The following AGBL1 variants were observed in gnomAD, a reference collection of about 807,000 sequenced individuals.
AGBL1 encodes cytosolic carboxypeptidase 4.
AGBL1 carries 130 observed loss-of-function variants against 118.9 expected under a neutral mutation model. The observed-to-expected ratio is 1.09, with a 90% CI of 0.95 to 1.26. The LOEUF (loss-of-function observed/expected upper bound fraction) is 1.26. Ranked by LOEUF, AGBL1 falls within the 50% of genes most tolerant of loss-of-function variation. AGBL1 has a pLI of 0.00. For synonymous variants in AGBL1, 555 were observed against 478.9 expected (o/e 1.16, Z -2.08); for missense variants, 1,584 against 1,298.1 (o/e 1.22, Z -3.38).
chr15:86,590,938 A>C (rs770202447), intron 21 of AGBL1, among the ~76,000 whole-genome samples: 1 of 152,224 alleles, frequency 6.6e-6, no homozygotes, highest in Non-Finnish European at 1.5e-5. Context: ...TTGATACAGT[A>C]TGATTGTCTA....
At chr15:86,123,583 C>T (rs1285728816) in intron 1 of AGBL1, among the ~76,000 whole-genome samples, 2 of 152,140 alleles carry the variant, frequency 1.3e-5, no homozygotes, top group Non-Finnish European at 2.9e-5. Context: ...TCTATTGATC[C>T]CGGGCTTTTA....
Position 86,735,074 on chromosome 15 carries a change from AT to A in AGBL1, c.3158+60639del, listed in dbSNP as rs1297176333. ...AGATGTTGTTTCTTGGCATATAGTT[AT>A]AATAATAATTATTATTATTATTTAA... On this transcript the variant is annotated intron_variant, in intron 22 of 22. Coordinates refer to ENST00000614907, the MANE Select transcript of AGBL1 (RefSeq NM_001386094.1). 7.8e-3 allele frequency among the ~76,000 whole-genome samples: 1,098 copies of A among 140,004 alleles called. 5 individuals carry two copies. Among genetic ancestry groups the A allele is most frequent in the African/African-American group, 0.023 (934 of 39,798 alleles). The allele number at this position is 140,004 out of a possible 152,430, so 91.8% of individuals were successfully genotyped here.
intron 20 of AGBL1, among the ~76,000 whole-genome samples, chr15:86,547,974 C>T (rs1340257625): frequency 6.6e-6 from 1 of 152,096 alleles, no homozygotes; most frequent in Non-Finnish European, 1.5e-5. Flanking sequence ...ATATAACTCC[C>T]TCTATCACTG....
In AGBL1 at chr15:86,338,728, CT is replaced by C. The variant is rs1345541562; in HGVS notation, c.2374+43321del. 2.6e-5 allele frequency among the ~76,000 whole-genome samples: 4 copies of C among 152,234 alleles called. No homozygotes were observed. The South Asian group carries it at 6.2e-4, about 24-fold the overall frequency. On this transcript the variant is annotated intron_variant, in intron 17 of 22. Coordinates refer to ENST00000614907, the MANE Select transcript of AGBL1 (RefSeq NM_001386094.1). The stretch of plus-strand genomic sequence containing the variant: ...TCCCAGGATAAATGGTTTGAATGGG[CT>C]GCCCAAACTGGAACCAGGAAAACCG...
chr15:86,168,239 A>T (rs117862745), intron 5 of AGBL1, among the ~76,000 whole-genome samples: 2,475 of 152,254 alleles, frequency 0.016, 30 homozygotes, highest in East Asian at 0.071. Flanking sequence ...GGGGATATTT[A>T]AGAGGGAGGG....
At chr15:86,825,310 C>T (rs2078991334) in intron 22 of AGBL1, among the ~76,000 whole-genome samples, 1 of 132,780 alleles carries the variant, frequency 7.5e-6, no homozygotes, top group African/African-American at 2.9e-5. Context: ...AATTGATAAA[C>T]TGGGTTTCAT....
rs2077266711 is a variant in AGBL1 at position 86,161,499 on chromosome 15, A to T, written c.488+2473A>T. Among the ~76,000 whole-genome samples the T allele has an allele frequency of 2.0e-5, 3 of 152,226 alleles. No individual in the cohort carries two copies. The South Asian group carries it at 6.2e-4, about 31-fold the overall frequency. ...AAACCCTGTCTGATACATGAGCCTC[A>T]GCTCTTAAGCCACCACTGGCGTATC... On this transcript the variant is annotated intron_variant, in intron 5 of 22. Coordinates refer to ENST00000614907, the MANE Select transcript of AGBL1 (RefSeq NM_001386094.1).
intron 19 of AGBL1, among the ~76,000 whole-genome samples, chr15:86,537,915 C>A (rs2083447375): frequency 6.6e-6 from 1 of 152,184 alleles, no homozygotes. Flanking sequence ...AAAATCATTA[C>A]TTACTAGAAG....
At chr15:86,827,348 T>C (rs74875266) in intron 22 of AGBL1, among the ~76,000 whole-genome samples, 926 of 8,970 alleles carry the variant, frequency 0.1, 266 homozygotes, top group East Asian at 0.33. Flanking sequence ...TGTGTATATA[T>C]ATATATATAT....
Position 86,397,556 on chromosome 15 carries a change from G to T in AGBL1, c.2555+10G>T. On this transcript the variant is annotated intron_variant, in intron 18 of 22. Coordinates refer to ENST00000614907, the MANE Select transcript of AGBL1 (RefSeq NM_001386094.1). ...GTGTCATCAACGGCAAGTATGTCAG[G>T]CACCTGGCTCAGCCAAACCCACAAT... 1.3e-6 allele frequency: 2 copies of T among 1,595,236 alleles called. No homozygotes were observed. Among genetic ancestry groups the T allele is most frequent in the Non-Finnish European group, 1.7e-6 (2 of 1,169,446 alleles).
At chr15:86,735,293 A>G (rs1290303859) in intron 22 of AGBL1, among the ~76,000 whole-genome samples, 3 of 151,866 alleles carry the variant, frequency 2.0e-5, no homozygotes, top group Non-Finnish European at 2.9e-5. Flanking sequence ...GTCGGTCAGG[A>G]TGGTTTTGAA....
At position 86,750,008 on chromosome 15, in the gene AGBL1, G is replaced by A. The variant is rs984954477; in HGVS notation, c.3158+75572G>A. 2.6e-5 allele frequency among the ~76,000 whole-genome samples: 4 copies of A among 152,194 alleles called. No homozygotes were observed. The South Asian group carries it at 6.2e-4, about 24-fold the overall frequency. On this transcript the variant is annotated intron_variant, in intron 22 of 22. Coordinates refer to ENST00000614907, the MANE Select transcript of AGBL1 (RefSeq NM_001386094.1). ...TGTCTCTGCCAGGCTTTGGTATCAG[G>A]ATGATGCTGGCCTCATAAAATGAGT...
chr15:86,121,501 A>T (rs1898092766), intron 1 of AGBL1, among the ~76,000 whole-genome samples: 1 of 152,226 alleles, frequency 6.6e-6, no homozygotes, highest in East Asian at 1.9e-4. Flanking sequence ...ACTTTGGGAG[A>T]TGCTAAGTTC....
chr15:86,405,124 T>C (rs1045971398), intron 18 of AGBL1, among the ~76,000 whole-genome samples: 1 of 152,198 alleles, frequency 6.6e-6, no homozygotes, highest in Non-Finnish European at 1.5e-5. Context: ...GTTTTAATTT[T>C]TTTGAGTAGT....
At chr15:86,569,412 GAA>G (rs11389548) in intron 21 of AGBL1, among the ~76,000 whole-genome samples, 5 of 142,876 alleles carry the variant, frequency 3.5e-5, no homozygotes, top group Non-Finnish European at 6.1e-5. Context: ...AGAAAACAAG[GAA>G]AAAAAAAAAA....
intron 1 of AGBL1, among the ~76,000 whole-genome samples, chr15:86,122,534 C>G (rs905630048): frequency 6.6e-6 from 1 of 152,094 alleles, no homozygotes; most frequent in East Asian, 1.9e-4. Context: ...ACATCATCAG[C>G]TACATCATGT....
chr15:86,186,928 T>C (rs1251567465), intron 5 of AGBL1, among the ~76,000 whole-genome samples: 3 of 152,226 alleles, frequency 2.0e-5, no homozygotes. Flanking sequence ...CACACTCTCT[T>C]CATTATACAA....
In AGBL1 at chr15:86,739,883, C is replaced by G. The variant is rs58904258; in HGVS notation, c.3158+65447C>G. Among the ~76,000 whole-genome samples, 25 of 152,264 alleles carry G rather than the reference C, an allele frequency of 1.6e-4. No homozygotes were observed. The East Asian group carries it at 3.5e-3, about 21-fold the overall frequency. On this transcript the variant is annotated intron_variant, in intron 22 of 22. Transcript: ENST00000614907. ...GACCCTCCCTCTCCAGAAGGGTGGC[C>G]TAATGAATCACTGAGCCCTGCTATG...
intron 22 of AGBL1, among the ~76,000 whole-genome samples, chr15:86,768,509 T>C (rs976491447): frequency 6.6e-6 from 1 of 151,894 alleles, no homozygotes; most frequent in African/African-American, 2.4e-5. Flanking sequence ...TTTGCTCTGG[T>C]GTAAGGGTCT....
Sources: gnomAD v4.1 joint callset for allele counts (sites outside exome capture counted in the v4.1 genomes callset) on GRCh38, gnomAD v4.1.1 for gene constraint, MANE v1.5 for transcripts, NCBI Gene and HGNC (gene_info 2026-07-23, HGNC 2026-07-21) for gene names.